Variants in PCDH10 observed in about 807,000 individuals in gnomAD.
PCDH10 encodes protocadherin-10.
A neutral mutation model predicts 74.4 loss-of-function variants in PCDH10; 15 were observed. That is an observed-to-expected ratio of 0.20 (90% CI 0.13 to 0.31). The LOEUF (loss-of-function observed/expected upper bound fraction) is 0.31. PCDH10 is among the 10% of genes least tolerant of loss of function. PCDH10 has a pLI of 1.00. For synonymous variants in PCDH10, 619 were observed against 589.8 expected (o/e 1.05, Z -0.72); for missense variants, 1,260 against 1,390.2 (o/e 0.91, Z 1.49).
At chr4:133,205,177 T>C (rs1233690513) in intron 2 of PCDH10, among the ~76,000 whole-genome samples, 5 of 152,120 alleles carry the variant, frequency 3.3e-5, no homozygotes, top group Non-Finnish European at 7.4e-5. Context: ...TTTTGAGGCC[T>C]TCCTAGTGAC....
chr4:133,192,883 G>T lies in PCDH10; in HGVS notation c.*2723G>T, dbSNP rs907296058. ...AAGGTTTCTAATTAAGCATTTACTA[G>T]ATTAATATATCAAGGAATTTTAGGA... On this transcript the variant is annotated 3_prime_UTR_variant, in exon 5 of 5. Coordinates refer to ENST00000264360, the MANE Select transcript of PCDH10 (RefSeq NM_032961.3). 5.3e-5 allele frequency: 8 copies of T among 151,496 alleles called. No homozygotes were observed. The highest frequency in any genetic ancestry group is 7.4e-5 in the Non-Finnish European group (5 of 67,568). 9.4% of individuals were successfully genotyped at this position (151,496 alleles called of 1,614,324 possible).
chr4:133,153,265 T>A, intron 1 of PCDH10: 1 of 1,010,286 alleles, frequency 9.9e-7, no homozygotes, highest in Non-Finnish European at 1.2e-6. Flanking sequence ...TTGTCTAACC[T>A]CGAATTCATG....
At chr4:133,201,288 C>T (rs899442670) in intron 2 of PCDH10, among the ~76,000 whole-genome samples, 7 of 152,128 alleles carry the variant, frequency 4.6e-5, no homozygotes, top group Non-Finnish European at 7.3e-5. Flanking sequence ...AGTTTAATTA[C>T]CTACTATTCA....
chr4:133,150,937 G>A lies in PCDH10; in HGVS notation c.797G>A (p.Gly266Asp). ...TVSLPENSPP[G>D]TLVIQLNATD... is the part of the protein sequence containing the mutation. ...TCCCTACCAGAGAACTCTCCCCCAG[G>A]CACTCTCGTGATCCAGCTCAACGCC... The change falls in exon 1 of 5, where the codon GGC becomes GAC. Residue 266 changes from glycine to aspartate, a missense_variant. By Grantham distance (94) the Gly-to-Asp change is moderately conservative. Coordinates refer to ENST00000264360, the MANE Select transcript of PCDH10 (RefSeq NM_032961.3). 1 of 1,613,888 alleles carries A rather than the reference G, an allele frequency of 6.2e-7. No homozygotes were observed. The highest frequency in any genetic ancestry group is 8.5e-7 in the Non-Finnish European group (1 of 1,180,048).
At chr4:133,200,283 T>C (rs1157611258) in intron 2 of PCDH10, among the ~76,000 whole-genome samples, 1 of 151,938 alleles carries the variant, frequency 6.6e-6, no homozygotes, top group Non-Finnish European at 1.5e-5. Flanking sequence ...TTTTTGTATA[T>C]ATAACTTTGG....
chr4:133,150,611 C>A lies in PCDH10; in HGVS notation c.471C>A (p.Arg157=). The A allele has an allele frequency of 6.2e-7, 1 of 1,613,478 alleles. No homozygotes were observed. The change falls in exon 1 of 5, where the codon CGC becomes CGA. Residue 157 remains arginine, a synonymous_variant. Transcript: ENST00000264360. ...FDPDVGTNSL[R]DYEITPNSYF... ...CAGACGTGGGCACCAACTCCTTGCG[C>A]GACTACGAGATCACCCCCAACAGCT...
chr4:133,173,389 A>T (rs555261246), intron 4 of PCDH10, among the ~76,000 whole-genome samples: 4 of 152,134 alleles, frequency 2.6e-5, no homozygotes, highest in African/African-American at 9.6e-5. Context: ...GTCCTGTGAG[A>T]TTTAAATTCC....
intron 4 of PCDH10, among the ~76,000 whole-genome samples, chr4:133,189,125 G>T (rs961191419): frequency 2.6e-5 from 4 of 151,974 alleles, no homozygotes; most frequent in African/African-American, 9.7e-5. Context: ...AGAGAATAAG[G>T]TTGAGAAGAT....
chr4:133,153,110 G>C, intron 1 of PCDH10: 1 of 1,308,688 alleles, frequency 7.6e-7, no homozygotes, highest in Non-Finnish European at 9.8e-7. Context: ...AAATGTGGAG[G>C]AGGGACTTAC....
At chr4:133,155,560 G>A (rs1418368550) in intron 3 of PCDH10, among the ~76,000 whole-genome samples, 1 of 152,186 alleles carries the variant, frequency 6.6e-6, no homozygotes, top group African/African-American at 2.4e-5. Flanking sequence ...TGAAAACAGA[G>A]TTTCTAATCT....
intron 3 of PCDH10, among the ~76,000 whole-genome samples, chr4:133,157,077 T>A (rs1726882625): frequency 6.6e-6 from 1 of 152,358 alleles, no homozygotes; most frequent in East Asian, 1.9e-4. Flanking sequence ...TTCTTAAACA[T>A]GTAAAAGTGT....
At chr4:133,204,268 A>T (rs1727960101) in intron 2 of PCDH10, among the ~76,000 whole-genome samples, 2 of 152,046 alleles carry the variant, frequency 1.3e-5, no homozygotes, top group South Asian at 4.1e-4. Flanking sequence ...CTCCCTTTCT[A>T]CAAACCTGAC....
At chr4:133,167,356 T>C (rs1477534848) in intron 4 of PCDH10, among the ~76,000 whole-genome samples, 1 of 151,540 alleles carries the variant, frequency 6.6e-6, no homozygotes, top group Non-Finnish European at 1.5e-5. Flanking sequence ...TTTTCATAAT[T>C]TGTTGAACTC....
In PCDH10 at chr4:133,152,494, C is replaced by T; in HGVS notation, c.2354C>T (p.Ser785Leu). 1 of 1,614,144 alleles carries T rather than the reference C, an allele frequency of 6.2e-7. No individual in the cohort carries two copies. Among genetic ancestry groups the T allele is most frequent in the Non-Finnish European group, 8.5e-7 (1 of 1,180,004 alleles). ...ARARKKKLSK[S>L]DIMLVQSSNV... The stretch of plus-strand genomic sequence containing the variant: ...GCGCGCAAGAAGAAACTCAGCAAGT[C>T]AGACATCATGCTGGTGCAGAGCTCC... The change falls in exon 1 of 5, where the codon TCA (serine) becomes TTA (leucine). Residue 785 changes from serine to leucine, a missense_variant. Physicochemically the swap from Ser to Leu is moderately radical, Grantham distance 145. This residue lies in a region of PCDH10 where 587 missense variants were observed against 616.9 expected (regional missense o/e 0.95). Transcript: ENST00000264360.
At chr4:133,202,784 A>AG (rs2125878134) in intron 2 of PCDH10, among the ~76,000 whole-genome samples, 1 of 152,264 alleles carries the variant, frequency 6.6e-6, no homozygotes, top group East Asian at 1.9e-4. Context: ...AAAGCAGTAA[A>AG]GGTCCATTGA....
At chr4:133,173,924 A>G (rs1727244961) in intron 4 of PCDH10, among the ~76,000 whole-genome samples, 1 of 151,952 alleles carries the variant, frequency 6.6e-6, no homozygotes, top group Non-Finnish European at 1.5e-5. Context: ...AGTATGCATC[A>G]TAACTCGCAG....
rs1726644932 is a variant in PCDH10 at position 133,150,635 on chromosome 4, C to T, written c.495C>T (p.Ser165=). The T allele has an allele frequency of 6.2e-7, 1 of 1,613,236 alleles. No homozygotes were observed. Among genetic ancestry groups the T allele is most frequent in the South Asian group, 1.1e-5 (1 of 91,066 alleles). ...SLRDYEITPN[S]YFSLDVQTQG... ...GCGACTACGAGATCACCCCCAACAG[C>T]TACTTCTCCCTGGACGTGCAGACCC... The change falls in exon 1 of 5, where the codon AGC becomes AGT. Residue 165 remains serine (S), a synonymous_variant. Transcript: ENST00000264360.
At chr4:133,176,305 C>A (rs1015568897) in intron 4 of PCDH10, among the ~76,000 whole-genome samples, 2 of 152,038 alleles carry the variant, frequency 1.3e-5, no homozygotes, top group African/African-American at 2.4e-5. Flanking sequence ...AGCTGTGGGA[C>A]CTCTCTAATT....
At chr4:133,177,590 A>G (rs1319281975) in intron 4 of PCDH10, among the ~76,000 whole-genome samples, 2 of 152,102 alleles carry the variant, frequency 1.3e-5, no homozygotes, top group Admixed American at 6.6e-5. Flanking sequence ...AATCATTCTC[A>G]TTTATGTTTA....
Sources: allele counts gnomAD v4.1 joint callset (sites outside exome capture counted in the v4.1 genomes callset), GRCh38; gene constraint gnomAD v4.1.1; regional missense constraint gnomAD v4.1.1; transcripts MANE v1.5; gene names NCBI Gene and HGNC (gene_info 2026-07-23, HGNC 2026-07-21).